Variants in SLC36A1 observed in about 807,000 individuals in gnomAD.
The protein encoded by SLC36A1 is proton-coupled amino acid transporter 1.
Under a neutral mutation model 47.5 loss-of-function variants are expected in SLC36A1, and 30 were observed. The observed-to-expected ratio is 0.63, with a 90% CI of 0.47 to 0.86. The LOEUF (loss-of-function observed/expected upper bound fraction) is 0.86. SLC36A1 is among the 40% of genes least tolerant of loss of function. The probability of loss-of-function intolerance (pLI) is 0.00; values close to 1 mark genes in which losing one functional copy is unlikely to be tolerated. For synonymous variants in SLC36A1, 255 were observed against 249.7 expected (o/e 1.02, Z -0.20); for missense variants, 517 against 606.0 (o/e 0.85, Z 1.54).
chr5:151,423,983 C>T, the SLC36A1 span, among the ~76,000 whole-genome samples: 9 of 147,540 alleles, frequency 6.1e-5, no homozygotes, highest in Non-Finnish European at 1.0e-4. Context: ...AACAAACAAA[C>T]AAAACAAAAA....
chr5:151,419,088 G>A, the SLC36A1 span, among the ~76,000 whole-genome samples: 24 of 152,076 alleles, frequency 1.6e-4, no homozygotes, highest in Non-Finnish European at 1.5e-4. Context: ...TTTCTTCTTC[G>A]CCTTCTGCTG....
chr5:151,537,906 C>G, the SLC36A1 span: 1 of 1,614,048 alleles, frequency 6.2e-7, no homozygotes. Flanking sequence ...AATGAAGTGT[C>G]CTGGAAATAC....
the SLC36A1 span, chr5:151,543,228 G>A: frequency 1.9e-5 from 30 of 1,614,046 alleles, no homozygotes; most frequent in Non-Finnish European, 2.5e-5. Flanking sequence ...TAATTTCAAT[G>A]ACATCTTTAA....
chr5:151,538,997 C>T, the SLC36A1 span, among the ~76,000 whole-genome samples: 1 of 152,062 alleles, frequency 6.6e-6, no homozygotes, highest in Non-Finnish European at 1.5e-5. Flanking sequence ...GGAGATGGTT[C>T]CCCAGGCCTC....
intron 1 of SLC36A1, among the ~76,000 whole-genome samples, chr5:151,440,220 G>A (rs1752544535): frequency 6.6e-6 from 1 of 152,218 alleles, no homozygotes; most frequent in Non-Finnish European, 1.5e-5. Context: ...CTCTGGTAAA[G>A]GAGATACAGG....
the SLC36A1 span, chr5:151,507,164 G>A: frequency 0.83 from 1,310,689 of 1,582,430 alleles, 544,742 homozygotes; most frequent in East Asian, 0.99. Flanking sequence ...CCATCTCCTC[G>A]CTGGACCAGG....
chr5:151,501,226 G>A, the SLC36A1 span, among the ~76,000 whole-genome samples: 1 of 152,208 alleles, frequency 6.6e-6, no homozygotes, highest in Admixed American at 6.5e-5. Flanking sequence ...TAATCTGAAT[G>A]GTTACATATT....
the SLC36A1 span, among the ~76,000 whole-genome samples, chr5:151,409,377 T>G: frequency 6.6e-6 from 1 of 152,172 alleles, no homozygotes; most frequent in Non-Finnish European, 1.5e-5. Flanking sequence ...CTGAGGAGTT[T>G]GCATCAAGCC....
At chr5:151,531,708 G>T in the SLC36A1 span, 1 of 1,613,864 alleles carries the variant, frequency 6.2e-7, no homozygotes, top group Non-Finnish European at 8.5e-7. The surrounding 1 kb of genome is among the most constrained non-coding windows in gnomAD (Gnocchi z 5.7). Flanking sequence ...CAGGTGGGGC[G>T]TCCTCGGGCA....
At chr5:151,456,975 G>A (rs1754623824) in intron 1 of SLC36A1, among the ~76,000 whole-genome samples, 1 of 152,176 alleles carries the variant, frequency 6.6e-6, no homozygotes, top group South Asian at 2.1e-4. Context: ...AGCTGAGATA[G>A]AGTGCCCAGG....
chr5:151,479,418 T>A lies in SLC36A1; in HGVS notation c.1088T>A (p.Val363Glu). Residue 363 changes from valine to glutamate, a missense_variant, in exon 10 of 11, where the codon GTG (valine) becomes GAG (glutamate). Transcript: ENST00000243389. Reference sequence around the variant, plus strand: ...GCTGAGATCATCATCCCCTTCTTTGTGTCCCGAGCGCCCGAGCACTGTGAG... The same window carrying A: ...GCTGAGATCATCATCCCCTTCTTTGAGTCCCGAGCGCCCGAGCACTGTGAG... ...VPAEIIIPFF[V>E]SRAPEHCELV... is the part of the protein sequence containing the mutation. The A allele has an allele frequency of 6.2e-7, 1 of 1,614,232 alleles. No individual in the cohort carries two copies. The highest frequency in any genetic ancestry group is 8.5e-7 in the Non-Finnish European group (1 of 1,180,026).
At chr5:151,384,989 T>G in the SLC36A1 span, among the ~76,000 whole-genome samples, 1,601 of 86,706 alleles carry the variant, frequency 0.018, 16 homozygotes, top group South Asian at 0.038. Context: ...TGTGTGTGGG[T>G]GTGTGAGAGA....
intron 4 of SLC36A1, among the ~76,000 whole-genome samples, 180 bp downstream of exon 4, chr5:151,464,782 A>G (rs1002133158): frequency 2.6e-5 from 4 of 152,182 alleles, no homozygotes; most frequent in Non-Finnish European, 4.4e-5. Context: ...CTGGCTCATT[A>G]TCATCTGTTA....
chr5:151,465,043 C>T (rs1278267118), intron 4 of SLC36A1, 31 bp from the exon 5 acceptor site: 9 of 1,545,070 alleles, frequency 5.8e-6, no homozygotes, highest in African/African-American at 1.4e-5. Context: ...TCCACGTGCT[C>T]TGTCCTTCCT....
In SLC36A1 at chr5:151,486,292, C is replaced by T. The variant is rs1370582987; in HGVS notation, c.1160-1691C>T. On this transcript the variant is annotated intron_variant, in intron 10 of 10. Coordinates refer to ENST00000243389, the MANE Select transcript of SLC36A1 (RefSeq NM_078483.4). ...CCAAGTCATTCATGAGGGATTTGCC[C>T]CCACGACTCAAACACTTCCCACCAG... is the stretch of plus-strand genomic sequence containing the variant. Among the ~76,000 whole-genome samples the T allele has an allele frequency of 2.0e-5, 3 of 152,148 alleles. No individual in the cohort carries two copies. The East Asian group carries it at 5.8e-4, about 29-fold the overall frequency.
the SLC36A1 span, chr5:151,509,854 C>T: frequency 1.1e-5 from 8 of 716,794 alleles, no homozygotes; most frequent in Admixed American, 4.8e-5. Context: ...AAACCGGTCC[C>T]TGGTGCCAAA....
the SLC36A1 span, among the ~76,000 whole-genome samples, chr5:151,389,086 C>T: frequency 6.6e-6 from 1 of 152,202 alleles, no homozygotes; most frequent in Non-Finnish European, 1.5e-5. Context: ...GAGTTACAAA[C>T]TTGAGCCTGG....
intron 1 of SLC36A1, among the ~76,000 whole-genome samples, chr5:151,450,154 T>A (rs902257455): frequency 2.6e-5 from 4 of 151,730 alleles, no homozygotes; most frequent in Non-Finnish European, 5.9e-5. Flanking sequence ...GTCCACTTAC[T>A]AGCATGTAAA....
At chr5:151,413,229 C>CTT in the SLC36A1 span, among the ~76,000 whole-genome samples, 1,841 of 144,962 alleles carry the variant, frequency 0.013, 36 homozygotes, top group African/African-American at 0.042. Flanking sequence ...ACCTAGGCAT[C>CTT]TTTTTTTTTT....
Sources: gnomAD v4.1 joint callset for allele counts (sites outside exome capture counted in the v4.1 genomes callset) on GRCh38, gnomAD v4.1.1 for gene constraint, Gnocchi (gnomAD v3.1) non-coding constraint, MANE v1.5 for transcripts, NCBI Gene and HGNC (gene_info 2026-07-23, HGNC 2026-07-21) for gene names.